MIPOL1: variants seen among roughly 807,000 people sequenced by gnomAD.
MIPOL1 encodes the protein mirror-image polydactyly gene 1 protein.
A neutral mutation model predicts 60.9 loss-of-function variants in MIPOL1; 57 were observed. The observed-to-expected ratio is 0.94, with a 90% CI of 0.76 to 1.17. MIPOL1 has a LOEUF of 1.17. Among genes scored for constraint, MIPOL1 ranks in the 50% most tolerant of loss-of-function variants. MIPOL1 has a pLI of 0.00. For missense variants in MIPOL1, 551 were observed against 511.6 expected (o/e 1.08, Z -0.74); for synonymous variants, 179 against 168.8 (o/e 1.06, Z -0.47).
chr14:37,551,953 C>G (rs1416650732), downstream of MIPOL1: 1 of 151,352 alleles, frequency 6.6e-6, no homozygotes, highest in East Asian at 1.9e-4. Flanking sequence ...AGCACCTCTA[C>G]TCATTTTGGA....
At chr14:37,365,734 G>A (rs1174415244) in intron 9 of MIPOL1, among the ~76,000 whole-genome samples, 1 of 152,070 alleles carries the variant, frequency 6.6e-6, no homozygotes, top group Non-Finnish European at 1.5e-5. Flanking sequence ...AATGTGTTTG[G>A]AAGTCTTCCC....
At chr14:37,217,401 C>T (rs1032606942) in intron 1 of MIPOL1, among the ~76,000 whole-genome samples, 1 of 152,022 alleles carries the variant, frequency 6.6e-6, no homozygotes, top group Non-Finnish European at 1.5e-5. Flanking sequence ...TCTCTGAGGT[C>T]GTAATTACCC....
intron 11 of MIPOL1, among the ~76,000 whole-genome samples, chr14:37,497,136 A>G (rs1382274800): frequency 1.3e-5 from 2 of 152,164 alleles, no homozygotes; most frequent in Non-Finnish European, 2.9e-5. Flanking sequence ...CTTATACAAA[A>G]ATCAATTCAA....
At chr14:37,357,083 C>G (rs2091898794) in intron 9 of MIPOL1, among the ~76,000 whole-genome samples, 1 of 152,172 alleles carries the variant, frequency 6.6e-6, no homozygotes, top group Non-Finnish European at 1.5e-5. Context: ...GTGCAGATAT[C>G]TCTTCAATAT....
At chr14:37,448,162 G>A (rs746721903) in intron 11 of MIPOL1, among the ~76,000 whole-genome samples, 1 of 152,312 alleles carries the variant, frequency 6.6e-6, no homozygotes, top group Middle Eastern at 3.4e-3. Context: ...TTCAGTCACT[G>A]CACTAGTGAG....
chr14:37,321,531 T>C (rs1323980463), intron 9 of MIPOL1, among the ~76,000 whole-genome samples: 1 of 151,946 alleles, frequency 6.6e-6, no homozygotes, highest in Non-Finnish European at 1.5e-5. Context: ...TCTTAGACAA[T>C]TCATGAAGTT....
intron 3 of MIPOL1, among the ~76,000 whole-genome samples, chr14:37,250,332 G>T (rs1973883860): frequency 6.6e-6 from 1 of 152,132 alleles, no homozygotes; most frequent in African/African-American, 2.4e-5. Flanking sequence ...TGGGTCACTT[G>T]AGGTCAGGAG....
chr14:37,479,790 T>C (rs552252730), intron 11 of MIPOL1, among the ~76,000 whole-genome samples: 1 of 151,922 alleles, frequency 6.6e-6, no homozygotes, highest in African/African-American at 2.4e-5. Flanking sequence ...CTACAAACCC[T>C]TATCTAGACT....
chr14:37,446,546 C>A (rs1412068850), intron 11 of MIPOL1, among the ~76,000 whole-genome samples: 6 of 147,328 alleles, frequency 4.1e-5, no homozygotes, highest in Admixed American at 6.8e-5. Context: ...ACTAGAAATA[C>A]CATTTGACCC....
chr14:37,361,896 T>C (rs920970869), intron 9 of MIPOL1, among the ~76,000 whole-genome samples: 1 of 152,224 alleles, frequency 6.6e-6, no homozygotes, highest in Non-Finnish European at 1.5e-5. Flanking sequence ...TTGACTTTTG[T>C]TGGTTTAAAG....
At chr14:37,409,709 C>G (rs1317572242) in intron 10 of MIPOL1, among the ~76,000 whole-genome samples, 3 of 152,160 alleles carry the variant, frequency 2.0e-5, no homozygotes, top group African/African-American at 7.2e-5. Context: ...TGTCTTGAAC[C>G]TGGGAGGCAG....
chr14:37,217,586 A>G (rs1032946060), intron 1 of MIPOL1, among the ~76,000 whole-genome samples: 1 of 152,230 alleles, frequency 6.6e-6, no homozygotes, highest in African/African-American at 2.4e-5. Flanking sequence ...TGATGGCTCA[A>G]CATACACAAA....
intron 7 of MIPOL1, among the ~76,000 whole-genome samples, chr14:37,303,663 A>G (rs2086524132): frequency 6.6e-6 from 1 of 151,822 alleles, no homozygotes; most frequent in African/African-American, 2.4e-5. Context: ...GGAATGGGAG[A>G]AAAGGAATGC....
intron 10 of MIPOL1, among the ~76,000 whole-genome samples, chr14:37,385,968 T>C (rs968178962): frequency 6.6e-6 from 1 of 152,024 alleles, no homozygotes; most frequent in East Asian, 1.9e-4. Flanking sequence ...TATCTTTTGC[T>C]TTATAGGAGT....
chr14:37,235,182 C>T (rs760164554), intron 1 of MIPOL1, among the ~76,000 whole-genome samples: 2 of 152,056 alleles, frequency 1.3e-5, no homozygotes, highest in African/African-American at 2.4e-5. Flanking sequence ...CTATTGTTCT[C>T]TCTTGTTCCA....
intron 1 of MIPOL1, among the ~76,000 whole-genome samples, chr14:37,215,269 A>G (rs796407076): frequency 9.2e-5 from 14 of 151,784 alleles, no homozygotes; most frequent in African/African-American, 2.9e-4. Context: ...CTTGTATCCA[A>G]TAAATAACAG....
intron 7 of MIPOL1, among the ~76,000 whole-genome samples, chr14:37,286,964 C>T (rs537114742): frequency 6.6e-6 from 1 of 152,202 alleles, no homozygotes; most frequent in South Asian, 2.1e-4. Context: ...AATTCATTCT[C>T]TATATGTTGT....
chr14:37,308,020 G>C, intron 7 of MIPOL1, 36 bp from the exon 8 acceptor site: 2 of 1,586,834 alleles, frequency 1.3e-6, no homozygotes, highest in Non-Finnish European at 1.7e-6. Flanking sequence ...CTAAGGAAAT[G>C]CTACTGATCA....
chr14:37,354,234 T>A (rs2091630445), intron 9 of MIPOL1, among the ~76,000 whole-genome samples: 1 of 151,870 alleles, frequency 6.6e-6, no homozygotes, highest in Non-Finnish European at 1.5e-5. Context: ...TGATTCTTAA[T>A]CCTGAGTTCT....
Sources: gnomAD v4.1 joint callset for allele counts (sites outside exome capture counted in the v4.1 genomes callset) on GRCh38, gnomAD v4.1.1 for gene constraint, MANE v1.5 for transcripts, NCBI Gene and HGNC (gene_info 2026-07-23, HGNC 2026-07-21) for gene names.